EYA1: variants seen among roughly 807,000 people sequenced by gnomAD.
The protein encoded by EYA1 is protein phosphatase EYA1.
A neutral mutation model predicts 82.0 loss-of-function variants in EYA1; 16 were observed. That is an observed-to-expected ratio of 0.20 (90% CI 0.13 to 0.30). The LOEUF (loss-of-function observed/expected upper bound fraction) is 0.30. Among genes scored for constraint, EYA1 ranks in the 10% least tolerant of loss-of-function variants. EYA1 has a pLI of 1.00. For missense variants in EYA1, 633 were observed against 730.7 expected (o/e 0.87, Z 1.54); for synonymous variants, 261 against 264.4 (o/e 0.99, Z 0.12).
chr8:71,215,301 GA>G, intron 16 of EYA1, 85 bp downstream of exon 16: 8 of 1,349,810 alleles, frequency 5.9e-6, no homozygotes, highest in Non-Finnish European at 7.4e-6. Context: ...TAGCATTCTG[GA>G]AAAAAAGTTT....
intron 2 of EYA1, among the ~76,000 whole-genome samples, chr8:71,501,232 G>A (rs1473967817): frequency 6.6e-6 from 1 of 152,152 alleles, no homozygotes; most frequent in Admixed American, 6.5e-5. Context: ...GCAAGGCCTG[G>A]GATAAAAAGG....
chr8:71,436,620 C>T (rs532053363), intron 2 of EYA1, among the ~76,000 whole-genome samples: 3 of 152,220 alleles, frequency 2.0e-5, no homozygotes, highest in African/African-American at 7.2e-5. Flanking sequence ...CAATATAGGA[C>T]ACTTAGGAAT....
At chr8:71,494,294 TAAACATGCTTTAC>T (rs1234530265) in intron 2 of EYA1, among the ~76,000 whole-genome samples, 1 of 152,156 alleles carries the variant, frequency 6.6e-6, no homozygotes, top group Non-Finnish European at 1.5e-5. Flanking sequence ...TCCTTGCACA[TAAACATGCTTTAC>T]ACTGTAATGT....
intron 1 of EYA1, among the ~76,000 whole-genome samples, chr8:71,545,525 T>G (rs1409184409): frequency 1.3e-5 from 2 of 151,458 alleles, no homozygotes; most frequent in Non-Finnish European, 2.9e-5. Context: ...ATAACTCCAC[T>G]ATTAGATTTT....
chr8:71,201,917 A>G (rs1425426379), intron 17 of EYA1, among the ~76,000 whole-genome samples: 2 of 152,174 alleles, frequency 1.3e-5, no homozygotes, highest in Non-Finnish European at 2.9e-5. Flanking sequence ...TTTCTTGTCA[A>G]CAGCTAAAGG....
rs563923389 is a variant in EYA1 at position 71,380,308 on chromosome 8, G to C, written c.34-23797C>G. ...ATGTGCCCACGGCTCTTGCTACCAG[G>C]TGAATGGGCAGTACTGAGGAGAATT... On this transcript the variant is annotated intron_variant, in intron 2 of 18. Coordinates refer to the EYA1 transcript ENST00000643681. 7.2e-5 allele frequency among the ~76,000 whole-genome samples: 11 copies of C among 152,290 alleles called. No homozygotes were observed. In the East Asian group the frequency reaches 1.5e-3, roughly 21 times the overall value.
intron 2 of EYA1, among the ~76,000 whole-genome samples, chr8:71,498,089 T>C (rs1055546384): frequency 1.6e-4 from 24 of 152,170 alleles, no homozygotes; most frequent in African/African-American, 5.5e-4. Context: ...AATGAAAGGA[T>C]AAAAAATTTC....
chr8:71,506,019 C>T (rs572475894), intron 2 of EYA1, among the ~76,000 whole-genome samples: 1 of 152,296 alleles, frequency 6.6e-6, no homozygotes, highest in South Asian at 2.1e-4. Flanking sequence ...CAGATGGTAC[C>T]TGCTTCCCCT....
chr8:71,415,781 A>C (rs2129144550), intron 2 of EYA1, among the ~76,000 whole-genome samples: 1 of 152,362 alleles, frequency 6.6e-6, no homozygotes, highest in East Asian at 1.9e-4. Flanking sequence ...GGTAGAACAA[A>C]AGATAGCTGA....
intron 3 of EYA1, among the ~76,000 whole-genome samples, chr8:71,352,562 G>A (rs1826414491): frequency 6.6e-6 from 1 of 152,160 alleles, no homozygotes. Context: ...GAAACAGGGT[G>A]AGATGAGTAA....
upstream of EYA1, among the ~76,000 whole-genome samples, chr8:71,366,270 A>G (rs1273824191): frequency 2.6e-5 from 4 of 152,232 alleles, no homozygotes; most frequent in Admixed American, 2.0e-4. Context: ...GGTGCTTAAA[A>G]AAATGATAAA....
chr8:71,315,886 G>T (rs1371473941), intron 7 of EYA1, among the ~76,000 whole-genome samples: 1 of 151,918 alleles, frequency 6.6e-6, no homozygotes, highest in Non-Finnish European at 1.5e-5. Flanking sequence ...TACAGTTCAG[G>T]CCTTTTGAAT....
At chr8:71,291,955 TA>T (rs1307597951) in intron 9 of EYA1, among the ~76,000 whole-genome samples, 1 of 152,130 alleles carries the variant, frequency 6.6e-6, no homozygotes, top group African/African-American at 2.4e-5. Context: ...AGATTTGGGA[TA>T]AAAAATATGT....
chr8:71,507,198 A>G (rs1812254605), intron 2 of EYA1, among the ~76,000 whole-genome samples: 1 of 152,204 alleles, frequency 6.6e-6, no homozygotes. Context: ...TGCAGTATAT[A>G]CACCAGGACA....
intron 10 of EYA1, 57 bp downstream of exon 10, chr8:71,271,701 C>A: frequency 6.2e-7 from 1 of 1,608,298 alleles, no homozygotes; most frequent in Non-Finnish European, 8.5e-7. Context: ...GTATGTAAAA[C>A]CACCAGTTAG....
chr8:71,399,365 C>A (rs1180849133), intron 2 of EYA1, among the ~76,000 whole-genome samples: 1 of 152,212 alleles, frequency 6.6e-6, no homozygotes. Flanking sequence ...ATCACTCACG[C>A]AGGGAGCTGC....
chr8:71,438,577 G>A (rs1806171672), intron 2 of EYA1, among the ~76,000 whole-genome samples: 1 of 152,114 alleles, frequency 6.6e-6, no homozygotes, highest in Non-Finnish European at 1.5e-5. Context: ...TGTCAGGGTT[G>A]ACCAGTGCAG....
At chr8:71,417,823 G>A (rs1471593091) in intron 2 of EYA1, among the ~76,000 whole-genome samples, 1 of 152,132 alleles carries the variant, frequency 6.6e-6, no homozygotes, top group Non-Finnish European at 1.5e-5. Context: ...ACTCTATCTT[G>A]ATATCTAGAG....
chr8:71,373,614 TTCTCC>T (rs1828204857), intron 2 of EYA1, among the ~76,000 whole-genome samples: 4 of 152,144 alleles, frequency 2.6e-5, no homozygotes, highest in Non-Finnish European at 5.9e-5. Flanking sequence ...TAATGGCATT[TTCTCC>T]AGAAATAGTA....
Sources: allele counts gnomAD v4.1 joint callset (sites outside exome capture counted in the v4.1 genomes callset), GRCh38; gene constraint gnomAD v4.1.1; transcripts MANE v1.5; gene names NCBI Gene and HGNC (gene_info 2026-07-23, HGNC 2026-07-21).